DHRS7B: variants seen among roughly 807,000 people sequenced by gnomAD.
DHRS7B encodes the protein peroxisomal reductase activating PPAR-gamma.
Under a neutral mutation model 26.4 loss-of-function variants are expected in DHRS7B, and 24 were observed. The observed-to-expected ratio is 0.91, with a 90% CI of 0.66 to 1.28. The LOEUF (loss-of-function observed/expected upper bound fraction) is 1.28, where lower values mean the gene tolerates loss of function less well. Among genes scored for constraint, DHRS7B ranks in the 50% most tolerant of loss-of-function variants. DHRS7B has a pLI of 0.00. For synonymous variants in DHRS7B, 142 were observed against 166.4 expected, an observed-to-expected ratio of 0.85 and a Z score of 1.13; for missense variants, 368 against 419.4, an observed-to-expected ratio of 0.88 and a Z score of 1.07.
intron 1 of DHRS7B, among the ~76,000 whole-genome samples, chr17:21,149,815 A>G (rs1375846126): frequency 6.6e-6 from 1 of 152,222 alleles, no homozygotes; most frequent in East Asian, 1.9e-4. Flanking sequence ...ATTCTACCAG[A>G]GAAAATCACT....
At chr17:21,128,064 A>C (rs1225881063) in intron 1 of DHRS7B, 2 of 152,204 alleles carry the variant, frequency 1.3e-5, no homozygotes, top group Non-Finnish European at 2.9e-5. Flanking sequence ...TAGGAACTAT[A>C]ATTTTTATTT....
In DHRS7B at chr17:21,178,299, T is replaced by TA; in HGVS notation, c.267dup (p.Glu90ArgfsTer39). ...CTCTGTGGCCGGAATGGTGGGGCCCTAGAAGAGCTCATCAGAGAACTCACC... is the reference window on the plus strand; with the variant it reads ...CTCTGTGGCCGGAATGGTGGGGCCCTAAGAAGAGCTCATCAGAGAACTCACC... On this transcript the variant is annotated frameshift_variant, in exon 3 of 7. Coordinates refer to ENST00000395511, the MANE Select transcript of DHRS7B (RefSeq NM_015510.5). LOFTEE classifies it high-confidence loss of function. 2 of 1,614,180 alleles carry TA rather than the reference T, an allele frequency of 1.2e-6. No individual in the cohort carries two copies. Among genetic ancestry groups the TA allele is most frequent in the Non-Finnish European group, 1.7e-6 (2 of 1,180,034 alleles).
At chr17:21,148,773 A>G (rs931817055) in intron 1 of DHRS7B, among the ~76,000 whole-genome samples, 1 of 152,208 alleles carries the variant, frequency 6.6e-6, no homozygotes, top group South Asian at 2.1e-4. Context: ...GAAAATACAC[A>G]GAGGTAAAAA....
At chr17:21,159,749 C>A (rs2144049647) in intron 1 of DHRS7B, among the ~76,000 whole-genome samples, 1 of 150,588 alleles carries the variant, frequency 6.6e-6, no homozygotes, top group East Asian at 2.0e-4. Context: ...TGGTGTGTGC[C>A]TATAGTCCTA....
At chr17:21,145,271 C>T (rs952970305) in intron 1 of DHRS7B, among the ~76,000 whole-genome samples, 1 of 151,934 alleles carries the variant, frequency 6.6e-6, no homozygotes, top group Non-Finnish European at 1.5e-5. Context: ...TTGGAGTAAG[C>T]CGGGATCGCG....
intron 3 of DHRS7B, among the ~76,000 whole-genome samples, chr17:21,179,996 C>T (rs971185146): frequency 2.0e-5 from 3 of 151,328 alleles, no homozygotes; most frequent in African/African-American, 7.3e-5. Context: ...TAACTCCCGA[C>T]CTCAGGCGAT....
chr17:21,174,451 A>C (rs1431263669), intron 2 of DHRS7B, among the ~76,000 whole-genome samples: 2 of 152,246 alleles, frequency 1.3e-5, no homozygotes, highest in African/African-American at 4.8e-5. Flanking sequence ...GGCACTGGAC[A>C]GTCATCTGCA....
chr17:21,151,749 A>G (rs1973777095), intron 1 of DHRS7B, among the ~76,000 whole-genome samples: 3 of 152,070 alleles, frequency 2.0e-5, no homozygotes, highest in Admixed American at 1.3e-4. Flanking sequence ...ATTGCTGGAG[A>G]CTCAGTGTGG....
chr17:21,158,279 T>C (rs761049743), intron 1 of DHRS7B, among the ~76,000 whole-genome samples: 1 of 152,142 alleles, frequency 6.6e-6, no homozygotes, highest in Non-Finnish European at 1.5e-5. Flanking sequence ...ATACTGGAAG[T>C]CCTATATAGT....
intron 2 of DHRS7B, among the ~76,000 whole-genome samples, chr17:21,174,538 A>G (rs897353877): frequency 6.6e-6 from 1 of 152,162 alleles, no homozygotes; most frequent in Non-Finnish European, 1.5e-5. Flanking sequence ...CAATAAATGA[A>G]AATGGAATCC....
intron 1 of DHRS7B, among the ~76,000 whole-genome samples, chr17:21,153,046 C>T (rs1366448755): frequency 6.6e-6 from 1 of 152,118 alleles, no homozygotes; most frequent in Non-Finnish European, 1.5e-5. Flanking sequence ...ACAGAAGAGA[C>T]TGAAGAAGCA....
At chr17:21,184,092 C>T (rs865983474) in intron 4 of DHRS7B, among the ~76,000 whole-genome samples, 1 of 152,188 alleles carries the variant, frequency 6.6e-6, no homozygotes, top group Admixed American at 6.5e-5. Context: ...CCATGGATTT[C>T]AGTCCAGGGG....
chr17:21,154,570 T>C (rs904809426), intron 1 of DHRS7B, among the ~76,000 whole-genome samples: 1 of 152,132 alleles, frequency 6.6e-6, no homozygotes, highest in Non-Finnish European at 1.5e-5. Context: ...AAGAAAATGA[T>C]ATGAGTCAGA....
At chr17:21,147,664 AC>A (rs1973671337) in intron 1 of DHRS7B, among the ~76,000 whole-genome samples, 1 of 152,140 alleles carries the variant, frequency 6.6e-6, no homozygotes. Context: ...TGAACAACCA[AC>A]ATCCCTATCA....
chr17:21,178,998 G>A lies in DHRS7B; in HGVS notation c.309+656G>A, dbSNP rs1431226006. On this transcript the variant is annotated intron_variant, in intron 3 of 6. Transcript: ENST00000395511. ...CTTGCTCTGTCACCCAGGCTAGAGTGCAGTGGCACAGTCATAGCTCACTGC... is the reference window on the plus strand; with the variant it reads ...CTTGCTCTGTCACCCAGGCTAGAGTACAGTGGCACAGTCATAGCTCACTGC... Among the ~76,000 whole-genome samples, 9 of 152,308 alleles carry A rather than the reference G, an allele frequency of 5.9e-5. No homozygotes were observed. In the South Asian group the frequency reaches 1.7e-3, roughly 28 times the overall value.
At chr17:21,152,024 A>G (rs1038560923) in intron 1 of DHRS7B, among the ~76,000 whole-genome samples, 1 of 152,170 alleles carries the variant, frequency 6.6e-6, no homozygotes, top group Non-Finnish European at 1.5e-5. Context: ...ACCATCCACC[A>G]TGATTGTAAG....
chr17:21,140,925 CT>C (rs60366139), intron 1 of DHRS7B, among the ~76,000 whole-genome samples: 2,951 of 152,024 alleles, frequency 0.019, 113 homozygotes, highest in African/African-American at 0.068. Context: ...GGGAACTGAG[CT>C]TGTAGCCTAG....
At chr17:21,158,998 C>T (rs897504905) in intron 1 of DHRS7B, among the ~76,000 whole-genome samples, 1 of 151,236 alleles carries the variant, frequency 6.6e-6, no homozygotes, top group African/African-American at 2.4e-5. Flanking sequence ...TCACAACTTT[C>T]TCAAAAGTTA....
intron 1 of DHRS7B, chr17:21,166,125 C>T (rs1212133929): frequency 1.9e-5 from 19 of 984,560 alleles, no homozygotes; most frequent in South Asian, 1.9e-4. Flanking sequence ...CACCTTTCTC[C>T]GCCCCCCCTC....
Sources: allele counts gnomAD v4.1 joint callset (sites outside exome capture counted in the v4.1 genomes callset), GRCh38; gene constraint gnomAD v4.1.1; transcripts MANE v1.5; gene names NCBI Gene and HGNC (gene_info 2026-07-23, HGNC 2026-07-21).